Variants in TEAD1 observed in about 807,000 individuals in gnomAD.
TEAD1 encodes transcriptional enhancer factor TEF-1.
Under a neutral mutation model 54.9 loss-of-function variants are expected in TEAD1, and 9 were observed. That is an observed-to-expected ratio of 0.16 (90% CI 0.10 to 0.29). The LOEUF (loss-of-function observed/expected upper bound fraction) is 0.29. Among genes scored for constraint, TEAD1 ranks in the 10% least tolerant of loss-of-function variants. The pLI is 1.00. For missense variants in TEAD1, 387 were observed against 535.9 expected, an observed-to-expected ratio of 0.72 and a Z score of 2.74; for synonymous variants, 200 against 187.8, an observed-to-expected ratio of 1.07 and a Z score of -0.53.
intron 8 of TEAD1, among the ~76,000 whole-genome samples, chr11:12,882,591 A>G (rs968042500): frequency 2.6e-5 from 4 of 152,206 alleles, no homozygotes; most frequent in African/African-American, 9.7e-5. Context: ...AGAATATTCT[A>G]TAGTGCTAGT....
intron 2 of TEAD1, among the ~76,000 whole-genome samples, chr11:12,686,060 C>T (rs1463288251): frequency 6.6e-6 from 1 of 152,150 alleles, no homozygotes; most frequent in African/African-American, 2.4e-5. Flanking sequence ...ACAGGGCTGC[C>T]CTTTATGGTT....
chr11:12,761,142 A>G (rs1194836711), intron 2 of TEAD1, among the ~76,000 whole-genome samples: 1 of 152,222 alleles, frequency 6.6e-6, no homozygotes, highest in African/African-American at 2.4e-5. Context: ...TACTAAGTGG[A>G]TAGATCAATT....
At chr11:12,936,335 T>G (rs1223558897) in intron 12 of TEAD1, among the ~76,000 whole-genome samples, 2 of 152,094 alleles carry the variant, frequency 1.3e-5, no homozygotes, top group African/African-American at 2.4e-5. Flanking sequence ...CATGAGTATT[T>G]CACAATACAT....
chr11:12,855,113 G>A (rs1947351473), intron 3 of TEAD1, among the ~76,000 whole-genome samples: 1 of 152,002 alleles, frequency 6.6e-6, no homozygotes, highest in Admixed American at 6.6e-5. Context: ...TGCTTCCTCT[G>A]GCAGTGTCCA....
At chr11:12,759,459 G>A (rs1945057735) in intron 2 of TEAD1, among the ~76,000 whole-genome samples, 1 of 150,816 alleles carries the variant, frequency 6.6e-6, no homozygotes, top group South Asian at 2.1e-4. Flanking sequence ...GTTTGTTTTT[G>A]GAGTTTATTG....
intron 11 of TEAD1, among the ~76,000 whole-genome samples, chr11:12,926,744 A>G (rs1194962184): frequency 6.6e-6 from 1 of 152,188 alleles, no homozygotes; most frequent in Non-Finnish European, 1.5e-5. Flanking sequence ...GTAGAGGGAG[A>G]CATAAACAGA....
chr11:12,918,771 T>G (rs141767517), intron 10 of TEAD1, among the ~76,000 whole-genome samples: 1 of 152,222 alleles, frequency 6.6e-6, no homozygotes, highest in African/African-American at 2.4e-5. Flanking sequence ...GGTGGATAGA[T>G]CGTGGCATTT....
chr11:12,836,156 C>T (rs1840292537), intron 3 of TEAD1, among the ~76,000 whole-genome samples: 2 of 151,934 alleles, frequency 1.3e-5, no homozygotes, highest in Admixed American at 6.6e-5. Context: ...TGTGGTGGCT[C>T]ACGCCTGTAA....
At chr11:12,683,187 A>G (rs1024780116) in intron 2 of TEAD1, among the ~76,000 whole-genome samples, 3 of 152,218 alleles carry the variant, frequency 2.0e-5, no homozygotes, top group Admixed American at 6.5e-5. Flanking sequence ...AAAAGTTTCA[A>G]TATGTATAAA....
chr11:12,842,909 A>G (rs963961672), intron 3 of TEAD1, among the ~76,000 whole-genome samples: 2 of 152,168 alleles, frequency 1.3e-5, no homozygotes, highest in African/African-American at 4.8e-5. Flanking sequence ...TGAATGGTTT[A>G]TTTCTTCTAA....
intron 2 of TEAD1, among the ~76,000 whole-genome samples, chr11:12,725,789 G>A (rs535263608): frequency 2.0e-5 from 3 of 152,330 alleles, no homozygotes; most frequent in Admixed American, 6.5e-5. Context: ...CAGATGCCTG[G>A]TCGAGCTGGT....
intron 9 of TEAD1, among the ~76,000 whole-genome samples, chr11:12,885,597 T>C (rs1372261544): frequency 6.6e-6 from 1 of 152,196 alleles, no homozygotes; most frequent in Admixed American, 6.5e-5. Context: ...TGCATATGAC[T>C]GTTTTTTAGG....
chr11:12,709,088 A>C (rs1023504542), intron 2 of TEAD1, among the ~76,000 whole-genome samples: 2 of 152,324 alleles, frequency 1.3e-5, no homozygotes, highest in Admixed American at 6.5e-5. Flanking sequence ...CTGTAATCCC[A>C]GCACTTTGGG....
In TEAD1 at chr11:12,774,630, T is replaced by C. The variant is rs180709500; in HGVS notation, c.202+10196T>C. Among the ~76,000 whole-genome samples, 4 of 152,344 alleles carry C rather than the reference T, an allele frequency of 2.6e-5. No individual in the cohort carries two copies. In the East Asian group the frequency reaches 5.8e-4, roughly 22 times the overall value. ...ACATGGGCCAGCCATACAAGCTCTT[T>C]GAGCCTTGTTGCCATCACCAGTAGA... On this transcript the variant is annotated intron_variant, in intron 3 of 12. Transcript: ENST00000527636.
chr11:12,779,210 G>T (rs561021192), intron 3 of TEAD1, among the ~76,000 whole-genome samples: 1 of 152,260 alleles, frequency 6.6e-6, no homozygotes, highest in Non-Finnish European at 1.5e-5. Flanking sequence ...AGATGACATT[G>T]TTGATCTTGA....
At chr11:12,868,040 G>A (rs1230369288) in intron 5 of TEAD1, among the ~76,000 whole-genome samples, 2 of 152,200 alleles carry the variant, frequency 1.3e-5, no homozygotes, top group African/African-American at 4.8e-5. Flanking sequence ...TGGTCCTCAT[G>A]TGAAGACCGA....
intron 3 of TEAD1, among the ~76,000 whole-genome samples, chr11:12,812,401 T>C (rs980723615): frequency 6.6e-6 from 1 of 152,154 alleles, no homozygotes; most frequent in Non-Finnish European, 1.5e-5. Flanking sequence ...AAAGAGTACT[T>C]AACTATTTGC....
chr11:12,751,737 A>G (rs1944873922), intron 2 of TEAD1, among the ~76,000 whole-genome samples: 1 of 152,184 alleles, frequency 6.6e-6, no homozygotes, highest in African/African-American at 2.4e-5. Context: ...TTAAGGCAGC[A>G]TGCAAGACTG....
intron 12 of TEAD1, among the ~76,000 whole-genome samples, chr11:12,935,991 G>A (rs920822242): frequency 6.6e-6 from 1 of 152,148 alleles, no homozygotes; most frequent in African/African-American, 2.4e-5. Context: ...TTAAGAGCAA[G>A]GGAAACTAAA....
Sources: allele counts gnomAD v4.1 joint callset (sites outside exome capture counted in the v4.1 genomes callset), GRCh38; gene constraint gnomAD v4.1.1; transcripts MANE v1.5; gene names NCBI Gene and HGNC (gene_info 2026-07-23, HGNC 2026-07-21).